CEP85: variants seen among roughly 807,000 people sequenced by gnomAD.
The protein encoded by CEP85 is centrosomal protein of 85 kDa.
Under a neutral mutation model 93.7 loss-of-function variants are expected in CEP85, and 58 were observed. That is an observed-to-expected ratio of 0.62 (90% CI 0.50 to 0.77). The LOEUF (loss-of-function observed/expected upper bound fraction) is 0.77. CEP85 is among the 30% of genes least tolerant of loss of function. The pLI is 0.00. For missense variants in CEP85, 868 were observed against 922.0 expected (o/e 0.94, Z 0.76); for synonymous variants, 314 against 338.6 (o/e 0.93, Z 0.80).
At chr1:26,234,749 G>A (rs34959549) in intron 1 of CEP85, among the ~76,000 whole-genome samples, 4,126 of 152,334 alleles carry the variant, frequency 0.027, 83 homozygotes, top group Non-Finnish European at 0.044. Flanking sequence ...AGCCCTCCCC[G>A]AGGAGGAGAA....
chr1:26,269,618 A>G lies in CEP85; in HGVS notation c.1649+4A>G. On this transcript the variant is annotated splice_donor_region_variant and intron_variant, in intron 9 of 13. Transcript: ENST00000451429. The stretch of plus-strand genomic sequence containing the variant: ...AATTCTCCTCCGCTGGACATAGGTA[A>G]ATAACCCTGTGGGACTGAGAGGAGT... 1.2e-5 allele frequency: 20 copies of G among 1,612,048 alleles called. No homozygotes were observed. Among genetic ancestry groups the G allele is most frequent in the Non-Finnish European group, 1.7e-5 (20 of 1,178,834 alleles).
At position 26,277,892 on chromosome 1, in the gene CEP85, A is replaced by G. The variant is rs1031592418; in HGVS notation, c.*599A>G. On this transcript the variant is annotated 3_prime_UTR_variant, in exon 14 of 14. Transcript: ENST00000451429. ...AACTACTAGGATTGGGGCCCTAGGG[A>G]TTATAGCCAGGACTCTAATCTGCCT... 2.0e-5 allele frequency: 3 copies of G among 152,824 alleles called. No homozygotes were observed. The highest frequency in any genetic ancestry group is 7.3e-5 in the African/African-American group (3 of 41,354). The allele number at this position is 152,824 out of a possible 1,614,324, so 9.5% of individuals were successfully genotyped here. A position where few individuals can be genotyped will look rare whatever the true frequency, so the allele number is the denominator to read the frequency against.
At position 26,277,120 on chromosome 1, in the gene CEP85, C is replaced by T. The variant is rs1239975249; in HGVS notation, c.2129-16C>T. The T allele has an allele frequency of 1.9e-6, 3 of 1,608,998 alleles. No individual in the cohort carries two copies. Among genetic ancestry groups the T allele is most frequent in the Middle Eastern group, 1.7e-4 (1 of 6,046 alleles). ...TCATAACTAACATTCTCTTGAAATG[C>T]TCTTCTCCCCAGCAGCACAGCACCC... On this transcript the variant is annotated splice_polypyrimidine_tract_variant and intron_variant, in intron 13 of 13. Transcript: ENST00000451429.
chr1:26,275,449 TTTTTGTATTTTAGTTGAGGTGG>T (rs1489124404), intron 12 of CEP85, among the ~76,000 whole-genome samples: 1 of 151,932 alleles, frequency 6.6e-6, no homozygotes, highest in East Asian at 1.9e-4. Flanking sequence ...CCCGGCTAAT[TTTTTGTATTTTAGTTGAGGTGG>T]GGTTTCACCA....
At position 26,278,726 on chromosome 1, in the gene CEP85, AACCAGTTATT is replaced by A. The variant is rs1433692993; in HGVS notation, c.*1434_*1443del. The stretch of plus-strand genomic sequence containing the variant: ...GGGTATTTTTCCTCATAAAGTTTAT[AACCAGTTATT>A]TATATGAATCTTTGTTATGTCCATT... On this transcript the variant is annotated 3_prime_UTR_variant, in exon 14 of 14. Transcript: ENST00000451429. 2 of 152,630 alleles carry A rather than the reference AACCAGTTATT, an allele frequency of 1.3e-5. No homozygotes were observed. Among genetic ancestry groups the A allele is most frequent in the African/African-American group, 4.8e-5 (2 of 41,452 alleles). The allele number at this position is 152,630 out of a possible 1,614,324, so 9.5% of individuals were successfully genotyped here.
At chr1:26,258,097 A>C in intron 5 of CEP85, 46 bp from the exon 6 acceptor site, 1 of 1,305,316 alleles carries the variant, frequency 7.7e-7, no homozygotes, top group Non-Finnish European at 1.1e-6. Context: ...TCATATTGTG[A>C]GGGGTTAGCA....
At position 26,250,914 on chromosome 1, in the gene CEP85, C is replaced by CT. The variant is rs1246918932; in HGVS notation, c.209-4247dup. Among the ~76,000 whole-genome samples the CT allele has an allele frequency of 1.1e-3, 133 of 116,918 alleles. 1 individual carries two copies. The highest frequency in any genetic ancestry group is 4.1e-3 in the African/African-American group (123 of 30,128). 76.7% of individuals were successfully genotyped at this position (116,918 alleles called of 152,430 possible). On this transcript the variant is annotated intron_variant, in intron 3 of 13. Transcript: ENST00000451429. The stretch of plus-strand genomic sequence containing the variant: ...GACCACTAGAGTGAGCCAAGCTTGC[C>CT]TTTTTTTTTTCTTTTTTCTTTTTTT...
chr1:26,262,036 G>A (rs865787359), intron 7 of CEP85, among the ~76,000 whole-genome samples: 14 of 152,166 alleles, frequency 9.2e-5, no homozygotes, highest in South Asian at 2.1e-4. Flanking sequence ...GGCCAGGCAC[G>A]ATGGCTTACA....
intron 10 of CEP85, chr1:26,271,721 T>C (rs1459328012): frequency 5.4e-6 from 2 of 371,984 alleles, no homozygotes; most frequent in African/African-American, 2.0e-5. Flanking sequence ...TGGCTGTTTA[T>C]AAAATTGATT....
At chr1:26,243,088 A>T (rs1480871060) in intron 2 of CEP85, among the ~76,000 whole-genome samples, 1 of 149,368 alleles carries the variant, frequency 6.7e-6, no homozygotes, top group African/African-American at 2.5e-5. Context: ...AATAGGATTC[A>T]CCTATTGAGG....
At chr1:26,261,677 T>C (rs1340436313) in intron 7 of CEP85, among the ~76,000 whole-genome samples, 3 of 151,510 alleles carry the variant, frequency 2.0e-5, no homozygotes, top group Non-Finnish European at 4.4e-5. Context: ...AGAGAATTGC[T>C]TGAGCTCAGG....
chr1:26,253,279 T>C (rs2089646847), intron 3 of CEP85, among the ~76,000 whole-genome samples: 1 of 152,210 alleles, frequency 6.6e-6, no homozygotes, highest in Non-Finnish European at 1.5e-5. Flanking sequence ...TTTTAGTTTT[T>C]TGAGGAGCTA....
intron 2 of CEP85, among the ~76,000 whole-genome samples, chr1:26,242,428 T>TG (rs1363832389): frequency 6.6e-6 from 1 of 152,202 alleles, no homozygotes; most frequent in Admixed American, 6.5e-5. Context: ...CTCGGATTGT[T>TG]GCCTGTGTCT....
At chr1:26,264,971 C>G (rs1048668051) in intron 7 of CEP85, among the ~76,000 whole-genome samples, 5 of 149,690 alleles carry the variant, frequency 3.3e-5, no homozygotes, top group Non-Finnish European at 7.4e-5. Context: ...CATGTACCAC[C>G]ACACCCGGCT....
intron 6 of CEP85, among the ~76,000 whole-genome samples, 164 bp downstream of exon 6, chr1:26,258,424 T>A (rs944180525): frequency 1.3e-5 from 2 of 152,116 alleles, no homozygotes; most frequent in Non-Finnish European, 2.9e-5. Flanking sequence ...TATCATGCCC[T>A]TGTGGGAGCA....
In CEP85 at chr1:26,244,270, G is replaced by C. The variant is rs369652785; in HGVS notation, c.160G>C (p.Asp54His). Residue 54 changes from aspartate to histidine, a missense_variant, in exon 3 of 14, where the codon GAC becomes CAC. Asp to His is a moderately conservative substitution (Grantham distance 81). Transcript: ENST00000451429. ...CTTCAGCCGCTGTTCAAGTGTAGCC[G>C]ACAGTGGGGACACAGCCATTGGTAC... ...SRFSRCSSVA[D>H]SGDTAIGTSC... 6.2e-7 allele frequency: 1 copy of C among 1,614,068 alleles called. No individual in the cohort carries two copies.
At chr1:26,256,928 G>GGT (rs71004573) in intron 4 of CEP85, among the ~76,000 whole-genome samples, 12,947 of 111,472 alleles carry the variant, frequency 0.12, 1,538 homozygotes, top group East Asian at 0.58. Context: ...GTTTTGTTTT[G>GGT]GTGTGTGTGT....
At position 26,255,632 on chromosome 1, in the gene CEP85, G is replaced by A. The variant is rs375455730; in HGVS notation, c.670G>A (p.Glu224Lys). The change falls in exon 4 of 14, where the codon GAG becomes AAG. Residue 224 changes from glutamate to lysine, a missense_variant. Physicochemically the swap from Glu to Lys is moderately conservative, Grantham distance 56. Coordinates refer to ENST00000451429, the MANE Select transcript of CEP85 (RefSeq NM_001319944.2). ...TSKELYRVLP[E>K]AKKAPGSGAV... is the part of the protein sequence containing the mutation. Reference sequence around the variant, plus strand: ...TAAGGAGTTGTACAGAGTGTTGCCTGAGGCCAAGAAGGCACCGGGCAGCGG... The same window carrying A: ...TAAGGAGTTGTACAGAGTGTTGCCTAAGGCCAAGAAGGCACCGGGCAGCGG... 1 of 1,614,046 alleles carries A rather than the reference G, an allele frequency of 6.2e-7. No homozygotes were observed. The highest frequency in any genetic ancestry group is 8.5e-7 in the Non-Finnish European group (1 of 1,180,024).
intron 4 of CEP85, among the ~76,000 whole-genome samples, chr1:26,257,074 G>A (rs1287842406): frequency 6.6e-6 from 1 of 151,948 alleles, no homozygotes; most frequent in Admixed American, 6.6e-5. Flanking sequence ...AGGACCACAG[G>A]CGCATGCCAC....
Sources: gnomAD v4.1 joint callset for allele counts (sites outside exome capture counted in the v4.1 genomes callset) on GRCh38, gnomAD v4.1.1 for gene constraint, MANE v1.5 for transcripts, NCBI Gene and HGNC (gene_info 2026-07-23, HGNC 2026-07-21) for gene names.